ARB2A: variants seen among roughly 807,000 people sequenced by gnomAD.
ARB2A encodes the protein cotranscriptional regulator ARB2A.
chr5:94,059,385 G>A, the ARB2A span, among the ~76,000 whole-genome samples: 1 of 151,990 alleles, frequency 6.6e-6, no homozygotes, highest in Non-Finnish European at 1.5e-5. Context: ...CACTTTGGGA[G>A]GCCAAGGTGG....
At chr5:93,953,351 C>T in the ARB2A span, among the ~76,000 whole-genome samples, 1 of 152,084 alleles carries the variant, frequency 6.6e-6, no homozygotes, top group African/African-American at 2.4e-5. Flanking sequence ...GTTTTTGGTC[C>T]CTGCAGCCAT....
the ARB2A span, among the ~76,000 whole-genome samples, chr5:93,756,654 C>A: frequency 6.6e-6 from 1 of 152,110 alleles, no homozygotes; most frequent in South Asian, 2.1e-4. Context: ...CAGGAAACCA[C>A]ATCCATAAGA....
chr5:93,785,393 A>C, the ARB2A span, among the ~76,000 whole-genome samples: 2 of 151,872 alleles, frequency 1.3e-5, no homozygotes, highest in African/African-American at 4.8e-5. Context: ...TCTCCCTCTA[A>C]ATTCTTTTAT....
chr5:93,864,723 T>C, the ARB2A span, among the ~76,000 whole-genome samples: 1 of 152,200 alleles, frequency 6.6e-6, no homozygotes, highest in South Asian at 2.1e-4. Context: ...TCTCTAAGTA[T>C]TGAACTTTTA....
At chr5:93,682,048 G>A in the ARB2A span, among the ~76,000 whole-genome samples, 4 of 152,114 alleles carry the variant, frequency 2.6e-5, no homozygotes, top group African/African-American at 4.8e-5. Context: ...ATTCTCTTAA[G>A]TGGCTTCAGC....
the ARB2A span, among the ~76,000 whole-genome samples, chr5:93,782,134 T>G: frequency 6.6e-6 from 1 of 152,162 alleles, no homozygotes; most frequent in East Asian, 1.9e-4. Context: ...TTTGTTCTCG[T>G]TTTGGAGAAG....
At chr5:93,830,797 A>G in the ARB2A span, among the ~76,000 whole-genome samples, 4 of 152,126 alleles carry the variant, frequency 2.6e-5, no homozygotes, top group African/African-American at 9.7e-5. Flanking sequence ...TGATTTTGGG[A>G]TGATTCAGGT....
At chr5:94,048,792 T>C in the ARB2A span, among the ~76,000 whole-genome samples, 3 of 152,182 alleles carry the variant, frequency 2.0e-5, no homozygotes. Context: ...GACAACAAAC[T>C]AATCTGCCCA....
chr5:93,912,948 TAA>T, the ARB2A span, among the ~76,000 whole-genome samples: 1 of 151,922 alleles, frequency 6.6e-6, no homozygotes, highest in African/African-American at 2.4e-5. Flanking sequence ...TTGGAAAATT[TAA>T]GTTAATAAAC....
the ARB2A span, among the ~76,000 whole-genome samples, chr5:93,891,877 G>C: frequency 6.6e-6 from 1 of 152,160 alleles, no homozygotes; most frequent in Non-Finnish European, 1.5e-5. Flanking sequence ...TGATATGCAT[G>C]TGCTCATTTC....
At chr5:93,951,081 C>T in the ARB2A span, among the ~76,000 whole-genome samples, 28 of 152,144 alleles carry the variant, frequency 1.8e-4, no homozygotes, top group Non-Finnish European at 2.9e-4. Context: ...TGATGATCAA[C>T]GACGTTGGGC....
the ARB2A span, among the ~76,000 whole-genome samples, chr5:93,933,315 G>A: frequency 6.6e-6 from 1 of 152,050 alleles, no homozygotes; most frequent in Non-Finnish European, 1.5e-5. Context: ...TATACCTAAA[G>A]GATTATAAAT....
the ARB2A span, among the ~76,000 whole-genome samples, chr5:94,024,478 A>C: frequency 2.6e-5 from 4 of 152,114 alleles, no homozygotes; most frequent in Non-Finnish European, 4.4e-5. Flanking sequence ...ATAAACATAT[A>C]TACATATTCA....
the ARB2A span, among the ~76,000 whole-genome samples, chr5:93,873,451 A>G: frequency 2.6e-5 from 4 of 151,754 alleles, no homozygotes; most frequent in African/African-American, 9.7e-5. Context: ...AAAGGAAAGG[A>G]AAAGGAAAAG....
At chr5:94,015,837 G>GA in the ARB2A span, among the ~76,000 whole-genome samples, 2 of 151,950 alleles carry the variant, frequency 1.3e-5, no homozygotes, top group African/African-American at 4.8e-5. Flanking sequence ...CACTACCAGG[G>GA]AAAATCACTT....
At chr5:93,687,714 C>T in the ARB2A span, among the ~76,000 whole-genome samples, 32 of 152,122 alleles carry the variant, frequency 2.1e-4, no homozygotes, top group Non-Finnish European at 3.8e-4. Flanking sequence ...AGTCTGTGCA[C>T]ACTGCTATTA....
the ARB2A span, among the ~76,000 whole-genome samples, chr5:93,680,409 G>A: frequency 2.6e-5 from 4 of 152,048 alleles, no homozygotes; most frequent in African/African-American, 9.7e-5. Context: ...TAAGTGATTT[G>A]ATCAAGATCA....
At chr5:93,827,342 G>C in the ARB2A span, among the ~76,000 whole-genome samples, 1 of 152,162 alleles carries the variant, frequency 6.6e-6, no homozygotes, top group Non-Finnish European at 1.5e-5. Flanking sequence ...TTCTCTGATG[G>C]CCAGTGATGA....
chr5:93,804,911 G>A, the ARB2A span: 1 of 946,744 alleles, frequency 1.1e-6, no homozygotes, highest in South Asian at 4.9e-5. Context: ...TTAAGTTTAA[G>A]TAACCAGAGA....
Sources: allele counts gnomAD v4.1 joint callset (sites outside exome capture counted in the v4.1 genomes callset), GRCh38; gene constraint gnomAD v4.1.1; transcripts MANE v1.5; gene names NCBI Gene and HGNC (gene_info 2026-07-23, HGNC 2026-07-21).